The following NDC1 variants were observed in gnomAD, a reference collection of about 807,000 sequenced individuals.
NDC1 encodes NDC1 transmembrane nucleoporin.
A neutral mutation model predicts 89.8 loss-of-function variants in NDC1; 24 were observed. That is an observed-to-expected ratio of 0.27 (90% CI 0.19 to 0.38). The LOEUF is 0.38. Among genes scored for constraint, NDC1 ranks in the 10% least tolerant of loss-of-function variants. NDC1 has a pLI of 1.00. For missense variants in NDC1, 728 were observed against 797.6 expected (o/e 0.91, Z 1.05); for synonymous variants, 296 against 284.8 (o/e 1.04, Z -0.39).
intron 8 of NDC1, among the ~76,000 whole-genome samples, chr1:53,807,318 A>T (rs1648146249): frequency 6.6e-6 from 1 of 151,954 alleles, no homozygotes. Flanking sequence ...TAGCTATGCC[A>T]ATGACATGGA....
chr1:53,782,352 G>T (rs1647217708), intron 16 of NDC1, among the ~76,000 whole-genome samples: 2 of 152,214 alleles, frequency 1.3e-5, no homozygotes, highest in South Asian at 4.1e-4. Context: ...AAGGCAGGAA[G>T]GATCAGCAAG....
chr1:53,784,585 G>A (rs372307042), intron 16 of NDC1, among the ~76,000 whole-genome samples: 2 of 152,230 alleles, frequency 1.3e-5, no homozygotes, highest in Non-Finnish European at 2.9e-5. Flanking sequence ...GAGGTCAGGA[G>A]ATCAAGATCG....
intron 5 of NDC1, among the ~76,000 whole-genome samples, chr1:53,825,487 G>C (rs1194363963): frequency 1.4e-5 from 2 of 139,766 alleles, no homozygotes; most frequent in East Asian, 4.0e-4. Flanking sequence ...TACTTTGCAT[G>C]AATGTCATCA....
chr1:53,773,200 C>T (rs1475787703), intron 16 of NDC1, among the ~76,000 whole-genome samples: 2 of 151,720 alleles, frequency 1.3e-5, no homozygotes, highest in African/African-American at 2.4e-5. Context: ...GATACTGTTA[C>T]ATCATGAGGT....
intron 15 of NDC1, among the ~76,000 whole-genome samples, chr1:53,787,545 G>A (rs187706244): frequency 6.6e-6 from 1 of 151,668 alleles, no homozygotes; most frequent in African/African-American, 2.4e-5. Context: ...AGGCTGAGGT[G>A]GGAGGATTAC....
At chr1:53,813,577 T>C (rs906073024) in intron 6 of NDC1, among the ~76,000 whole-genome samples, 4 of 151,928 alleles carry the variant, frequency 2.6e-5, no homozygotes, top group Non-Finnish European at 4.4e-5. Flanking sequence ...AACAGGAAAA[T>C]ATCACAATCC....
intron 1 of NDC1, 55 bp downstream of exon 1, chr1:53,838,150 C>G: frequency 1.3e-6 from 2 of 1,505,026 alleles, no homozygotes; most frequent in Admixed American, 3.9e-5. Context: ...GCGATCAGAG[C>G]TTGCCCGCCC....
chr1:53,791,913 A>T (rs1029029790), intron 14 of NDC1, among the ~76,000 whole-genome samples: 5 of 152,106 alleles, frequency 3.3e-5, no homozygotes, highest in African/African-American at 1.2e-4. Flanking sequence ...TGGCACACAT[A>T]AGACACTCAT....
chr1:53,783,356 T>C (rs6657928), intron 16 of NDC1, among the ~76,000 whole-genome samples: 41,505 of 151,984 alleles, frequency 0.27, 7,257 homozygotes, highest in African/African-American at 0.5. Context: ...AAAAGGTTGG[T>C]CATGATGTGG....
At chr1:53,794,627 T>C (rs183572253) in intron 13 of NDC1, among the ~76,000 whole-genome samples, 52 of 152,284 alleles carry the variant, frequency 3.4e-4, no homozygotes, top group African/African-American at 1.1e-3. Context: ...TCCAACACTT[T>C]ATGAGGCTCA....
At chr1:53,811,072 G>A (rs1264644714) in intron 6 of NDC1, among the ~76,000 whole-genome samples, 1 of 152,210 alleles carries the variant, frequency 6.6e-6, no homozygotes, top group East Asian at 1.9e-4. Flanking sequence ...AACCAGTTTA[G>A]AGAGTCAAGC....
rs374756545 is a variant in NDC1 at position 53,766,611 on chromosome 1, T to C, written c.*1359A>G. ...AAGGCCAGTAGCACCTATTTATAATTTGGCATGTACTGCTTGAAGGGGCAA... is the reference window on the plus strand; with the variant it reads ...AAGGCCAGTAGCACCTATTTATAATCTGGCATGTACTGCTTGAAGGGGCAA... On this transcript the variant is annotated 3_prime_UTR_variant, in exon 18 of 18. Coordinates refer to ENST00000371429, the MANE Select transcript of NDC1 (RefSeq NM_018087.5). The C allele has an allele frequency of 1.3e-5, 2 of 152,328 alleles. No homozygotes were observed. The highest frequency in any genetic ancestry group is 3.4e-3 in the Middle Eastern group (1 of 294). 9.4% of individuals were successfully genotyped at this position (152,328 alleles called of 1,614,324 possible). A position where few individuals can be genotyped will look rare whatever the true frequency, so the allele number is the denominator to read the frequency against.
chr1:53,797,556 T>C (rs1216722157), intron 11 of NDC1, among the ~76,000 whole-genome samples: 3 of 152,232 alleles, frequency 2.0e-5, no homozygotes, highest in African/African-American at 4.8e-5. Flanking sequence ...CAAATCTATA[T>C]TGTGAACATA....
At chr1:53,807,514 T>G (rs1648151707) in intron 8 of NDC1, 142 bp downstream of exon 8, 1 of 551,668 alleles carries the variant, frequency 1.8e-6, no homozygotes, top group Non-Finnish European at 3.1e-6. Flanking sequence ...ACAAATGATA[T>G]GGCCCCAAGA....
intron 5 of NDC1, among the ~76,000 whole-genome samples, chr1:53,825,192 G>A (rs1173000102): frequency 2.6e-5 from 4 of 151,768 alleles, no homozygotes; most frequent in African/African-American, 4.8e-5. Context: ...AAAAAGAGCA[G>A]CGGCTGGGCG....
intron 6 of NDC1, among the ~76,000 whole-genome samples, chr1:53,810,424 C>CAA (rs112086501): frequency 3.5e-4 from 38 of 107,858 alleles, no homozygotes; most frequent in African/African-American, 1.2e-3. Context: ...AAGAAACTGG[C>CAA]AAAAAAAAAA....
chr1:53,780,035 C>A (rs1647192056), intron 16 of NDC1, among the ~76,000 whole-genome samples: 1 of 152,128 alleles, frequency 6.6e-6, no homozygotes, highest in African/African-American at 2.4e-5. Flanking sequence ...ATTCACCTGT[C>A]ATATGTTCTC....
chr1:53,803,851 T>G lies in NDC1; in HGVS notation c.1066+77A>C, dbSNP rs544953462. On this transcript the variant is annotated intron_variant, in intron 10 of 17. Coordinates refer to ENST00000371429, the MANE Select transcript of NDC1 (RefSeq NM_018087.5). ...CTCCCAAAGTGCTGGGATTACAGGC[T>G]TGAGCCACCATGCCTGGCCAAGTGA... The G allele has an allele frequency of 5.0e-4, 568 of 1,128,154 alleles. 4 individuals carry two copies. In the East Asian group the frequency reaches 0.01, roughly 20 times the overall value. The allele number at this position is 1,128,154 out of a possible 1,614,324, so 69.9% of individuals were successfully genotyped here.
intron 7 of NDC1, among the ~76,000 whole-genome samples, chr1:53,808,661 T>G (rs1380210460): frequency 6.6e-6 from 1 of 150,932 alleles, no homozygotes; most frequent in Non-Finnish European, 1.5e-5. Flanking sequence ...ACAAAACATT[T>G]TTTGAGTGCA....
Sources: allele counts gnomAD v4.1 joint callset (sites outside exome capture counted in the v4.1 genomes callset), GRCh38; gene constraint gnomAD v4.1.1; transcripts MANE v1.5; gene names NCBI Gene and HGNC (gene_info 2026-07-23, HGNC 2026-07-21).